The following MCPH1 variants were observed in gnomAD, a reference collection of about 807,000 sequenced individuals.
The protein encoded by MCPH1 is microcephalin.
Under a neutral mutation model 84.5 loss-of-function variants are expected in MCPH1, and 104 were observed. The observed-to-expected ratio is 1.23, with a 90% CI of 1.05 to 1.45. MCPH1 has a LOEUF of 1.45. Ranked by LOEUF, MCPH1 falls within the 40% of genes most tolerant of loss-of-function variation. MCPH1 has a pLI of 0.00. For missense variants in MCPH1, 1,498 were observed against 1,005.7 expected (o/e 1.49, Z -6.62); for synonymous variants, 514 against 366.8 (o/e 1.40, Z -4.58).
chr8:6,532,246 A>G, intron 12 of MCPH1: 2 of 1,501,684 alleles, frequency 1.3e-6, no homozygotes, highest in Non-Finnish European at 1.8e-6. Flanking sequence ...TTAGTTTCTC[A>G]TGCCTTCATT....
chr8:6,408,368 A>T (rs1344632156), intron 1 of MCPH1, among the ~76,000 whole-genome samples: 7 of 151,586 alleles, frequency 4.6e-5, no homozygotes, highest in African/African-American at 1.5e-4. Context: ...ACGCCCGGTT[A>T]TTTTTATTTT....
intron 8 of MCPH1, among the ~76,000 whole-genome samples, chr8:6,450,484 C>T (rs1227900507): frequency 1.3e-5 from 2 of 149,578 alleles, no homozygotes; most frequent in Non-Finnish European, 3.0e-5. Context: ...GCCTTGGATA[C>T]CACCTCCAGG....
At chr8:6,438,913 C>T (rs1803068935) in intron 5 of MCPH1, 40 bp from the exon 6 acceptor site, 3 of 1,597,936 alleles carry the variant, frequency 1.9e-6, no homozygotes, top group South Asian at 2.2e-5. Context: ...AGTATGAAGG[C>T]ACTTTTTGGT....
intron 9 of MCPH1, among the ~76,000 whole-genome samples, chr8:6,476,033 T>A (rs1355267108): frequency 6.6e-6 from 1 of 152,144 alleles, no homozygotes; most frequent in Non-Finnish European, 1.5e-5. Flanking sequence ...ATCATCAAAA[T>A]AGATGCCAAG....
chr8:6,457,849 T>A lies in MCPH1; in HGVS notation c.1935+2597T>A, dbSNP rs1284995925. On this transcript the variant is annotated intron_variant, in intron 9 of 13. Transcript: ENST00000344683. The stretch of plus-strand genomic sequence containing the variant: ...TAGTGTTCACCGCACAGCCTTTGCT[T>A]GAATGAATCAAAAACTCCTAATGCC... 2.6e-5 allele frequency among the ~76,000 whole-genome samples: 4 copies of A among 152,214 alleles called. No individual in the cohort carries two copies. The East Asian group carries it at 5.8e-4, about 22-fold the overall frequency.
intron 5 of MCPH1, among the ~76,000 whole-genome samples, chr8:6,436,919 G>A (rs1036265741): frequency 4.6e-5 from 7 of 151,888 alleles, no homozygotes; most frequent in Non-Finnish European, 8.8e-5. Flanking sequence ...GCAGTGAGCC[G>A]AGACTGCACC....
At chr8:6,439,681 C>G (rs553003915) in intron 6 of MCPH1, among the ~76,000 whole-genome samples, 1 of 152,118 alleles carries the variant, frequency 6.6e-6, no homozygotes, top group Non-Finnish European at 1.5e-5. Context: ...GTAATCCAGG[C>G]GTGAGCCACC....
chr8:6,500,440 C>G (rs1811934893), intron 12 of MCPH1: 1 of 156,050 alleles, frequency 6.4e-6, no homozygotes, highest in African/African-American at 2.4e-5. Context: ...TGCTTGGATA[C>G]AGGATTGTGC....
At chr8:6,608,624 T>C (rs1407497732) in intron 12 of MCPH1, among the ~76,000 whole-genome samples, 1 of 152,202 alleles carries the variant, frequency 6.6e-6, no homozygotes, top group Non-Finnish European at 1.5e-5. Flanking sequence ...TTCGGTCCTT[T>C]GCTGTCATTA....
chr8:6,425,926 C>G (rs934019758), intron 3 of MCPH1, among the ~76,000 whole-genome samples: 4 of 152,182 alleles, frequency 2.6e-5, no homozygotes, highest in Non-Finnish European at 5.9e-5. Flanking sequence ...CGTCCAGATG[C>G]ATCTCAGCCA....
rs567895700 is a variant in MCPH1 at position 6,575,792 on chromosome 8, C to T, written c.2215-45662C>T. Among the ~76,000 whole-genome samples the T allele has an allele frequency of 9.9e-5, 15 of 152,200 alleles. No individual in the cohort carries two copies. The East Asian group carries it at 2.7e-3, about 27-fold the overall frequency. ...TGTGAAGACAGATACAGGAGGAACG[C>T]CTCGTGACAACGCAGGTAGGGACAG... On this transcript the variant is annotated intron_variant, in intron 12 of 13. Coordinates refer to ENST00000344683, the MANE Select transcript of MCPH1 (RefSeq NM_024596.5).
At chr8:6,480,136 T>G (rs1050237398) in intron 10 of MCPH1, among the ~76,000 whole-genome samples, 8 of 151,150 alleles carry the variant, frequency 5.3e-5, no homozygotes, top group Non-Finnish European at 1.0e-4. Context: ...TTCTTTTTTT[T>G]TTTTTGAGAC....
At chr8:6,477,009 C>G (rs898082868) in intron 9 of MCPH1, among the ~76,000 whole-genome samples, 2 of 151,724 alleles carry the variant, frequency 1.3e-5, no homozygotes, top group Admixed American at 6.6e-5. Context: ...AAATTTTTTG[C>G]AAGTCAGCGT....
At chr8:6,520,186 CT>C (rs1173758142) in intron 12 of MCPH1, among the ~76,000 whole-genome samples, 2 of 152,046 alleles carry the variant, frequency 1.3e-5, no homozygotes, top group Non-Finnish European at 2.9e-5. Context: ...AAGATTAATA[CT>C]TACTTTTTGG....
chr8:6,412,879 G>C (rs1798734481), intron 2 of MCPH1, among the ~76,000 whole-genome samples: 1 of 152,154 alleles, frequency 6.6e-6, no homozygotes, highest in South Asian at 2.1e-4. Context: ...AGACTAACGG[G>C]CAGTGCCATG....
chr8:6,527,575 G>C (rs778735247), intron 12 of MCPH1: 1 of 1,613,766 alleles, frequency 6.2e-7, no homozygotes, highest in Non-Finnish European at 8.5e-7. Flanking sequence ...CTTGCAATTT[G>C]TTTATTTCAC....
chr8:6,538,470 C>A (rs1820910175), intron 12 of MCPH1, among the ~76,000 whole-genome samples: 1 of 152,148 alleles, frequency 6.6e-6, no homozygotes, highest in Admixed American at 6.5e-5. Flanking sequence ...AGGATAAGGT[C>A]CAGATTCCTT....
chr8:6,481,767 T>A (rs986861339), intron 11 of MCPH1, among the ~76,000 whole-genome samples: 2 of 152,240 alleles, frequency 1.3e-5, no homozygotes, highest in African/African-American at 4.8e-5. Flanking sequence ...ACTGTTCATT[T>A]GCATTGGTGG....
At chr8:6,514,882 A>G in intron 12 of MCPH1, 1 of 933,052 alleles carries the variant, frequency 1.1e-6, no homozygotes, top group Non-Finnish European at 1.7e-6. Context: ...CTCAGCCGAG[A>G]GGGTTCTCTG....
Sources: gnomAD v4.1 joint callset for allele counts (sites outside exome capture counted in the v4.1 genomes callset) on GRCh38, gnomAD v4.1.1 for gene constraint, MANE v1.5 for transcripts, NCBI Gene and HGNC (gene_info 2026-07-23, HGNC 2026-07-21) for gene names.